MCHR2: variants seen among roughly 807,000 people sequenced by gnomAD.
MCHR2 encodes the protein melanin concentrating hormone receptor 2, also known as melanin-concentrating hormone receptor 2.
Under a neutral mutation model 24.8 loss-of-function variants are expected in MCHR2, and 15 were observed. The observed-to-expected ratio is 0.60, with a 90% CI of 0.40 to 0.93. MCHR2 has a LOEUF of 0.93. Among genes scored for constraint, MCHR2 ranks in the 40% least tolerant of loss-of-function variants. The pLI is 0.00. For synonymous variants in MCHR2, 151 were observed against 147.6 expected (o/e 1.02, Z -0.17); for missense variants, 386 against 408.7 (o/e 0.94, Z 0.48).
At chr6:99,974,102 G>A (rs143230923) in intron 1 of MCHR2, among the ~76,000 whole-genome samples, 3,003 of 152,134 alleles carry the variant, frequency 0.02, 88 homozygotes, top group East Asian at 0.12. Context: ...TCTGAATGTT[G>A]GCCTGCCTTG....
chr6:99,991,150 G>A (rs1440764867), intron 1 of MCHR2, among the ~76,000 whole-genome samples: 12 of 151,952 alleles, frequency 7.9e-5, no homozygotes, highest in Non-Finnish European at 1.5e-5. Flanking sequence ...GAGATAAAGA[G>A]TGGGGAAAAG....
At chr6:99,981,189 T>G (rs1169287819) in intron 1 of MCHR2, among the ~76,000 whole-genome samples, 1 of 152,198 alleles carries the variant, frequency 6.6e-6, no homozygotes, top group African/African-American at 2.4e-5. Context: ...AAGTACAGAT[T>G]GTCCTATGCT....
chr6:99,936,876 T>A (rs186637172), intron 4 of MCHR2, among the ~76,000 whole-genome samples: 51 of 151,984 alleles, frequency 3.4e-4, no homozygotes, highest in Non-Finnish European at 5.9e-4. Context: ...TATGTACGTG[T>A]GTATTTTTTT....
chr6:99,935,195 T>C (rs1409477545), intron 4 of MCHR2, among the ~76,000 whole-genome samples: 2 of 152,082 alleles, frequency 1.3e-5, no homozygotes, highest in East Asian at 1.9e-4. Context: ...TAAATATTTG[T>C]CTTTTTAAAA....
intron 1 of MCHR2, among the ~76,000 whole-genome samples, chr6:99,969,010 G>C (rs1048789193): frequency 6.6e-6 from 1 of 152,042 alleles, no homozygotes; most frequent in Admixed American, 6.6e-5. Flanking sequence ...TTAAACTTAA[G>C]TGCATTTATT....
chr6:99,932,357 T>C (rs4839766), intron 5 of MCHR2, among the ~76,000 whole-genome samples: 151,521 of 152,258 alleles, frequency 1, 75,396 homozygotes, highest in Middle Eastern at 1. Flanking sequence ...AGAAGCATTC[T>C]AAATAATATA....
intron 2 of MCHR2, among the ~76,000 whole-genome samples, chr6:99,953,687 CTTT>C (rs67143555): frequency 6.7e-6 from 1 of 148,190 alleles, no homozygotes; most frequent in Non-Finnish European, 1.5e-5. Context: ...ATAGACGCTG[CTTT>C]TTTTTTTGGT....
At position 99,921,120 on chromosome 6, in the gene MCHR2, T is replaced by C. The variant is rs2114479388; in HGVS notation, c.843A>G (p.Thr281=). 1 of 1,614,150 alleles carries C rather than the reference T, an allele frequency of 6.2e-7. No homozygotes were observed. Among genetic ancestry groups the C allele is most frequent in the South Asian group, 1.1e-5 (1 of 91,082 alleles). The change falls in exon 6 of 6, where the codon ACA becomes ACG. Residue 281 remains threonine, a synonymous_variant. Transcript: ENST00000281806. The stretch of plus-strand genomic sequence containing the variant: ...GGTAATAACCCACATAGAAGGCCAG[T>C]GTGGGCTGTTCCATCTGTAAGTTCA... ...QLVNLQMEQP[T]LAFYVGYYLS...
chr6:99,987,280 A>T (rs1196508573), intron 1 of MCHR2, among the ~76,000 whole-genome samples: 1 of 152,058 alleles, frequency 6.6e-6, no homozygotes, highest in Non-Finnish European at 1.5e-5. Context: ...CTTATACTTT[A>T]AATACTTGTT....
chr6:99,969,525 T>C (rs1441566576), intron 1 of MCHR2, among the ~76,000 whole-genome samples: 1 of 151,076 alleles, frequency 6.6e-6, no homozygotes, highest in African/African-American at 2.4e-5. Flanking sequence ...AAGCCTGTTG[T>C]ATTTAGGCAT....
intron 1 of MCHR2, among the ~76,000 whole-genome samples, chr6:99,972,977 T>C (rs1168326882): frequency 1.1e-4 from 17 of 152,192 alleles, no homozygotes; most frequent in Admixed American, 1.1e-3. Flanking sequence ...GAGCTTTACT[T>C]CCAACTATGT....
chr6:99,939,852 C>A (rs1162160016), intron 4 of MCHR2, among the ~76,000 whole-genome samples: 1 of 136,732 alleles, frequency 7.3e-6, no homozygotes, highest in East Asian at 2.2e-4. Context: ...GTGCTGGATG[C>A]AATATCTTGG....
intron 1 of MCHR2, among the ~76,000 whole-genome samples, chr6:99,980,691 T>A (rs1218366106): frequency 6.6e-6 from 1 of 152,052 alleles, no homozygotes; most frequent in Non-Finnish European, 1.5e-5. Flanking sequence ...GCAAAAAAAA[T>A]ACCCTCTATA....
At chr6:99,965,065 T>C (rs143135209) in intron 1 of MCHR2, among the ~76,000 whole-genome samples, 82 of 152,248 alleles carry the variant, frequency 5.4e-4, no homozygotes, top group East Asian at 1.9e-3. Flanking sequence ...CGTTAAGTGA[T>C]TCAGAAGGAC....
At chr6:99,928,995 A>G (rs1019316626) in intron 5 of MCHR2, among the ~76,000 whole-genome samples, 4 of 151,268 alleles carry the variant, frequency 2.6e-5, no homozygotes, top group Non-Finnish European at 5.9e-5. Context: ...ATTTCCCTCT[A>G]CACTCTGCTT....
chr6:99,942,865 T>C (rs1774798966), intron 4 of MCHR2, 84 bp downstream of exon 4: 4 of 1,178,472 alleles, frequency 3.4e-6, no homozygotes, highest in Non-Finnish European at 1.2e-6. Context: ...AGGATACTCT[T>C]TGAGGCTGCT....
chr6:99,949,919 T>TA (rs34593647), intron 2 of MCHR2, among the ~76,000 whole-genome samples: 139,782 of 146,406 alleles, frequency 0.95, 66,896 homozygotes, highest in South Asian at 0.99. Flanking sequence ...AGCTCCAAAC[T>TA]AAAAAAAAAA....
chr6:99,947,687 T>C (rs1284619772), intron 3 of MCHR2, 75 bp downstream of exon 3: 2 of 1,461,636 alleles, frequency 1.4e-6, no homozygotes, highest in Non-Finnish European at 1.9e-6. Flanking sequence ...AAAACTGGTG[T>C]TGGAATTGGA....
At chr6:99,951,504 C>G (rs1408851920) in intron 2 of MCHR2, among the ~76,000 whole-genome samples, 6 of 152,146 alleles carry the variant, frequency 3.9e-5, no homozygotes, top group Non-Finnish European at 5.9e-5. Context: ...TTTCTATGCC[C>G]TCGCTCATTG....
Sources: gnomAD v4.1 joint callset for allele counts (sites outside exome capture counted in the v4.1 genomes callset) on GRCh38, gnomAD v4.1.1 for gene constraint, MANE v1.5 for transcripts, NCBI Gene and HGNC (gene_info 2026-07-23, HGNC 2026-07-21) for gene names.